LCA5L: variants seen among roughly 807,000 people sequenced by gnomAD.
The protein encoded by LCA5L is lebercilin LCA5 like.
Under a neutral mutation model 45.4 loss-of-function variants are expected in LCA5L, and 35 were observed. The ratio of observed to expected loss-of-function variants is 0.77; its 90% CI spans 0.59 to 1.02. LCA5L has a LOEUF of 1.02. LCA5L is among the 50% of genes least tolerant of loss of function. The pLI is 0.00. For synonymous variants in LCA5L, 233 were observed against 264.7 expected (o/e 0.88, Z 1.16); for missense variants, 668 against 761.6 (o/e 0.88, Z 1.45).
Position 39,409,876 on chromosome 21 carries a change from G to A in LCA5L, c.1282+103C>T, listed in dbSNP as rs1305681173. On this transcript the variant is annotated intron_variant, in intron 10 of 10. Coordinates refer to ENST00000288350, the MANE Select transcript of LCA5L (RefSeq NM_152505.4). This position sits in a 1 kb window ranked among gnomAD's most constrained non-coding sequence, Gnocchi z 4.2. ...CCCAAAGTGCTGGGATTACAGGTGCGAGCTGCCATGCCCAGCTGTTTTATG... is the reference window on the plus strand; with the variant it reads ...CCCAAAGTGCTGGGATTACAGGTGCAAGCTGCCATGCCCAGCTGTTTTATG... 7.5e-6 allele frequency: 5 copies of A among 669,358 alleles called. No individual in the cohort carries two copies. The highest frequency in any genetic ancestry group is 1.3e-5 in the Non-Finnish European group (5 of 397,880). The allele number at this position is 669,358 out of a possible 1,614,324, so 41.5% of individuals were successfully genotyped here. A position where few individuals can be genotyped will look rare whatever the true frequency, so the allele number is the denominator to read the frequency against.
chr21:39,410,073 G>A lies in LCA5L; in HGVS notation c.1188C>T (p.Ile396=), dbSNP rs1238940659. ...TTKGKKATGN[I]DHKEKSTEIN... ...TTTCAGTTGATTTTTCTTTATGATC[G>A]ATGTTTCCTGTTGCCTTTTTACCCT... Residue 396 remains isoleucine, a synonymous_variant, in exon 10 of 11, where the codon ATC becomes ATT. Transcript: ENST00000288350. 55 of 1,609,696 alleles carry A rather than the reference G, an allele frequency of 3.4e-5. No homozygotes were observed. The highest frequency in any genetic ancestry group is 4.4e-5 in the Non-Finnish European group (52 of 1,176,744).
At position 39,444,210 on chromosome 21, in the gene LCA5L, T is replaced by C. The variant is rs1222642647; in HGVS notation, c.-312-9A>G. Reference sequence around the variant, plus strand: ...CCTCTTTTGGTGCTTCTCTAAAAAATAAAAAAGGAAGAGCTTAAACTCCTA... The same window carrying C: ...CCTCTTTTGGTGCTTCTCTAAAAAACAAAAAAGGAAGAGCTTAAACTCCTA... On this transcript the variant is annotated splice_polypyrimidine_tract_variant and intron_variant, in intron 1 of 10. Coordinates refer to ENST00000288350, the MANE Select transcript of LCA5L (RefSeq NM_152505.4). 1.3e-5 allele frequency: 2 copies of C among 152,078 alleles called. No individual in the cohort carries two copies. The highest frequency in any genetic ancestry group is 4.8e-5 in the African/African-American group (2 of 41,394). 9.4% of individuals were successfully genotyped at this position (152,078 alleles called of 1,614,324 possible).
chr21:39,407,769 C>G (rs531583109), intron 10 of LCA5L: 1 of 152,274 alleles, frequency 6.6e-6, no homozygotes, highest in East Asian at 1.9e-4. Flanking sequence ...AAGTATTTGT[C>G]AAATGAATGG....
At chr21:39,439,828 G>C (rs1215808082) in intron 2 of LCA5L, 2 of 152,194 alleles carry the variant, frequency 1.3e-5, no homozygotes, top group Non-Finnish European at 2.9e-5. Context: ...AGAGGCGTCA[G>C]GTAGCTGGCA....
At chr21:39,407,355 T>C (rs1315804289) in intron 10 of LCA5L, among the ~76,000 whole-genome samples, 1 of 152,172 alleles carries the variant, frequency 6.6e-6, no homozygotes, top group Non-Finnish European at 1.5e-5. Flanking sequence ...ATTGGAATGT[T>C]TGGTCCCCGC....
At chr21:39,441,126 G>A (rs1387156470) in intron 2 of LCA5L, among the ~76,000 whole-genome samples, 3 of 151,918 alleles carry the variant, frequency 2.0e-5, no homozygotes, top group Admixed American at 6.6e-5. Context: ...ACTTGGGCCC[G>A]GGAGTTTGAG....
At chr21:39,422,865 G>A in intron 6 of LCA5L, 111 bp downstream of exon 6, 1 of 994,860 alleles carries the variant, frequency 1.0e-6, no homozygotes. Context: ...AGCACGCCAA[G>A]TGAAGCAGTT....
At chr21:39,428,935 T>C (rs1379212611) in intron 4 of LCA5L, among the ~76,000 whole-genome samples, 196 bp downstream of exon 4, 1 of 152,016 alleles carries the variant, frequency 6.6e-6, no homozygotes, top group Non-Finnish European at 1.5e-5. Context: ...CTTTGAATAC[T>C]TTCAATAAGC....
intron 6 of LCA5L, chr21:39,422,368 G>GC (rs2073915092): frequency 6.6e-6 from 1 of 152,274 alleles, no homozygotes; most frequent in Admixed American, 6.6e-5. Flanking sequence ...GTAATCCCCA[G>GC]GCTTTTGACA....
rs767936464 is a variant in LCA5L, at chr21:39,406,269, C to T, written c.1626G>A (p.Gly542=). 1.2e-6 allele frequency: 2 copies of T among 1,613,926 alleles called. No homozygotes were observed. The highest frequency in any genetic ancestry group is 1.7e-5 in the Admixed American group (1 of 60,032). The change falls in exon 11 of 11, where the codon GGG becomes GGA. Residue 542 remains glycine, a synonymous_variant. Coordinates refer to ENST00000288350, the MANE Select transcript of LCA5L (RefSeq NM_152505.4). Reference sequence around the variant, plus strand: ...ACCTCATGTTGCCGGCATTGGCTGGCCCCCCTGAAGCAGGAAGCCCATGAT... The same window carrying T: ...ACCTCATGTTGCCGGCATTGGCTGGTCCCCCTGAAGCAGGAAGCCCATGAT... ...NLHHGLPASG[G]PANAGNMRYS...
chr21:39,414,375 G>A (rs1296143450), intron 7 of LCA5L: 2 of 152,022 alleles, frequency 1.3e-5, no homozygotes, highest in Non-Finnish European at 2.9e-5. Context: ...TTCTTACTTC[G>A]GCTCATACTG....
At chr21:39,430,803 C>T (rs2075632971) in intron 3 of LCA5L, among the ~76,000 whole-genome samples, 1 of 152,182 alleles carries the variant, frequency 6.6e-6, no homozygotes, top group African/African-American at 2.4e-5. Context: ...GTGGTTCAAA[C>T]AACAATCTAA....
chr21:39,413,360 A>C (rs1239651229), intron 7 of LCA5L, among the ~76,000 whole-genome samples: 1 of 152,218 alleles, frequency 6.6e-6, no homozygotes, highest in Non-Finnish European at 1.5e-5. Context: ...GTTTTGAGTT[A>C]GAAGAGACTG....
chr21:39,410,933 C>G (rs965737865), intron 8 of LCA5L: 1 of 471,078 alleles, frequency 2.1e-6, no homozygotes, highest in Non-Finnish European at 4.4e-6. Flanking sequence ...TCTAATAAAA[C>G]AGAGGTGAGT....
intron 4 of LCA5L, 172 bp from the exon 5 acceptor site, chr21:39,428,675 T>C (rs569641627): frequency 9.6e-4 from 137 of 142,434 alleles, no homozygotes; most frequent in Middle Eastern, 7.9e-3. Context: ...TGCAGTGGTG[T>C]GGCCATGGCT....
chr21:39,422,518 G>C lies in LCA5L; in HGVS notation c.837+458C>G, dbSNP rs897184602. 1.4e-4 allele frequency: 24 copies of C among 177,222 alleles called. No homozygotes were observed. The East Asian group carries it at 3.6e-3, about 26-fold the overall frequency. The allele number at this position is 177,222 out of a possible 1,614,324, so 11.0% of individuals were successfully genotyped here. Reference sequence around the variant, plus strand: ...TACAAATGTCTGTGTGGTAATTCCTGGCCAAAATGGTGAGGGAGAATACAA... The same window carrying C: ...TACAAATGTCTGTGTGGTAATTCCTCGCCAAAATGGTGAGGGAGAATACAA... On this transcript the variant is annotated intron_variant, in intron 6 of 10. Transcript: ENST00000288350.
At chr21:39,442,938 G>A (rs987571039) in intron 2 of LCA5L, among the ~76,000 whole-genome samples, 5 of 152,174 alleles carry the variant, frequency 3.3e-5, no homozygotes, top group East Asian at 1.9e-4. Flanking sequence ...GCCGAGCTTT[G>A]AGAATCTCCA....
At chr21:39,445,319 C>T (rs368117565) in intron 1 of LCA5L, 5 of 152,210 alleles carry the variant, frequency 3.3e-5, no homozygotes, top group African/African-American at 1.2e-4. Context: ...AGCAAGTAAG[C>T]AGAGGCAAAA....
intron 2 of LCA5L, among the ~76,000 whole-genome samples, chr21:39,442,457 G>T (rs1324699036): frequency 6.6e-6 from 1 of 152,142 alleles, no homozygotes; most frequent in Non-Finnish European, 1.5e-5. Context: ...CCTTCTGAAG[G>T]TTACTCTGGC....
Sources: gnomAD v4.1 joint callset for allele counts (sites outside exome capture counted in the v4.1 genomes callset) on GRCh38, gnomAD v4.1.1 for gene constraint, Gnocchi (gnomAD v3.1) non-coding constraint, MANE v1.5 for transcripts, NCBI Gene and HGNC (gene_info 2026-07-23, HGNC 2026-07-21) for gene names.